Variants in MCF2L observed in about 807,000 individuals in gnomAD.
MCF2L encodes the protein MCF.2 cell line derived transforming sequence like, also known as guanine nucleotide exchange factor DBS.
Under a neutral mutation model 153.4 loss-of-function variants are expected in MCF2L, and 97 were observed. That is an observed-to-expected ratio of 0.63 (90% CI 0.54 to 0.75). The LOEUF (loss-of-function observed/expected upper bound fraction) is 0.75. Ranked by LOEUF, MCF2L falls within the 30% of genes least tolerant of loss-of-function variation. The pLI is 0.00. For missense variants in MCF2L, 1,347 were observed against 1,495.2 expected, an observed-to-expected ratio of 0.90 and a Z score of 1.64; for synonymous variants, 659 against 632.2, an observed-to-expected ratio of 1.04 and a Z score of -0.64.
At chr13:112,979,613 G>A (rs557678175) in intron 1 of MCF2L, 217 of 1,609,022 alleles carry the variant, frequency 1.3e-4, no homozygotes, top group Non-Finnish European at 1.7e-4. Flanking sequence ...TGGTCCCTGC[G>A]TGAAGAACCA....
chr13:112,906,089 T>C (rs2081170078), intron 2 of MCF2L, among the ~76,000 whole-genome samples: 1 of 152,226 alleles, frequency 6.6e-6, no homozygotes, highest in Admixed American at 6.5e-5. Context: ...TAAACATTGA[T>C]GAGCTTATTT....
intron 4 of MCF2L, among the ~76,000 whole-genome samples, chr13:113,057,884 AGTGTTTGGGTGCTGAGTGGGTGCTGT>A (rs1375951219): frequency 3.8e-5 from 4 of 104,718 alleles, no homozygotes; most frequent in Non-Finnish European, 7.4e-5. Flanking sequence ...TTGGATGCTG[AGTGTTTGGGTGCTGAGTGGGTGCTGT>A]GTGTTTGGGT....
chr13:113,079,308 G>A (rs1006820694), intron 15 of MCF2L, among the ~76,000 whole-genome samples: 1 of 152,136 alleles, frequency 6.6e-6, no homozygotes, highest in Non-Finnish European at 1.5e-5. Context: ...GGGAATGCAG[G>A]TCCCCAGAGC....
chr13:112,957,843 A>G (rs982385503), intron 2 of MCF2L: 1 of 144,456 alleles, frequency 6.9e-6, no homozygotes, highest in African/African-American at 2.5e-5. Flanking sequence ...TTCATTTAGA[A>G]TAATGCTTTG....
chr13:113,066,019 G>T, intron 7 of MCF2L, 27 bp from the exon 8 acceptor site: 1 of 1,608,858 alleles, frequency 6.2e-7, no homozygotes, highest in Non-Finnish European at 8.5e-7. Flanking sequence ...GACGGGGCCG[G>T]GACATGAGGC....
intron 5 of MCF2L, chr13:113,063,927 C>G (rs752677880): frequency 6.8e-6 from 3 of 438,640 alleles, no homozygotes; most frequent in South Asian, 5.0e-5. Context: ...GCTGTGGAGC[C>G]GTTGTGCAGG....
chr13:112,933,251 GC>G (rs1465768813), intron 2 of MCF2L, among the ~76,000 whole-genome samples: 1 of 152,204 alleles, frequency 6.6e-6, no homozygotes, highest in African/African-American at 2.4e-5. Context: ...GTCTCCTTGG[GC>G]TCTGTGTGCA....
chr13:112,929,675 A>C (rs1021351332), intron 2 of MCF2L, among the ~76,000 whole-genome samples: 1 of 152,196 alleles, frequency 6.6e-6, no homozygotes, highest in Non-Finnish European at 1.5e-5. Context: ...ACCGCTGGCC[A>C]CAGCATCCTG....
At chr13:113,076,217 C>A in intron 12 of MCF2L, 60 bp downstream of exon 12, 1 of 1,229,634 alleles carries the variant, frequency 8.1e-7, no homozygotes, top group Non-Finnish European at 1.1e-6. Flanking sequence ...AGGCATTCCT[C>A]TGTGGGAAGT....
chr13:113,066,643 G>A (rs181570689), intron 8 of MCF2L, among the ~76,000 whole-genome samples: 10 of 152,224 alleles, frequency 6.6e-5, no homozygotes, highest in South Asian at 2.1e-4. Context: ...TAGGGCACTC[G>A]TGTGGTTGGC....
chr13:112,917,081 C>G (rs1221870333), intron 2 of MCF2L: 1 of 471,172 alleles, frequency 2.1e-6, no homozygotes, highest in African/African-American at 2.0e-5. Flanking sequence ...TTTCTCCTGT[C>G]TAAACCTGCC....
chr13:112,978,731 C>T (rs1034927252), intron 1 of MCF2L, among the ~76,000 whole-genome samples: 1 of 152,252 alleles, frequency 6.6e-6, no homozygotes, highest in African/African-American at 2.4e-5. Flanking sequence ...CAGAAGGGCA[C>T]ATGTGGTGCT....
chr13:113,030,338 GC>G (rs1204643587), intron 3 of MCF2L, among the ~76,000 whole-genome samples: 1,895 of 99,438 alleles, frequency 0.019, 3 homozygotes, highest in East Asian at 0.059. Flanking sequence ...GTCTGCCGAC[GC>G]CCGGTGTGGA....
At chr13:113,052,968 G>T (rs1464628855) in intron 4 of MCF2L, among the ~76,000 whole-genome samples, 1 of 151,668 alleles carries the variant, frequency 6.6e-6, no homozygotes, top group African/African-American at 2.4e-5. Context: ...CATCACACAG[G>T]CACAGAGACA....
rs1160964109 is a variant in MCF2L at position 113,028,802 on chromosome 13, G to C, written c.278+4044G>C. Among the ~76,000 whole-genome samples, 1 of 152,102 alleles carries C rather than the reference G, an allele frequency of 6.6e-6. No homozygotes were observed. Among genetic ancestry groups the C allele is most frequent in the Non-Finnish European group, 1.5e-5 (1 of 67,982 alleles). On this transcript the variant is annotated intron_variant, in intron 3 of 29. Transcript: ENST00000535094. The surrounding 1 kb of genome is among the most constrained non-coding windows in gnomAD (Gnocchi z 5.4). ...GTGTGGGTGTCTGAGTGTGTGGTGTGAGTGTGTGTAATGTGAGCCTGTGGT... is the reference window on the plus strand; with the variant it reads ...GTGTGGGTGTCTGAGTGTGTGGTGTCAGTGTGTGTAATGTGAGCCTGTGGT...
chr13:112,944,060 T>TG (rs1481144409), intron 2 of MCF2L, among the ~76,000 whole-genome samples: 1 of 117,958 alleles, frequency 8.5e-6, no homozygotes, highest in Non-Finnish European at 1.8e-5. Flanking sequence ...TCCCTGGCTG[T>TG]GGGGGGAGCG....
In MCF2L at chr13:113,060,739, G is replaced by C. The variant is rs373280922; in HGVS notation, c.489+27G>C. ...TAAGTGCGCCCCGCCTCCATCCTGC[G>C]GTAGCAGAACGGAACTCATTGCCGT... On this transcript the variant is annotated intron_variant, in intron 5 of 29. Coordinates refer to ENST00000535094, the MANE Select transcript of MCF2L (RefSeq NM_001112732.3). 1.6e-5 allele frequency: 26 copies of C among 1,609,786 alleles called. No individual in the cohort carries two copies. The African/African-American group carries it at 3.1e-4, about 19-fold the overall frequency.
rs765658215 is a variant in MCF2L at position 113,096,778 on chromosome 13, G to A, written c.3297G>A (p.Ser1099=). 1.3e-6 allele frequency: 2 copies of A among 1,568,022 alleles called. No homozygotes were observed. Among genetic ancestry groups the A allele is most frequent in the Admixed American group, 3.5e-5 (2 of 57,316 alleles). Residue 1099 remains serine (S), a synonymous_variant, in exon 30 of 30, where the codon TCG becomes TCA. Transcript: ENST00000535094. The part of the protein sequence containing the change: ...GSAQCLSSSE[S]SPGSAVLSNS... Reference sequence around the variant, plus strand: ...CCCCGCCTGATCTCCCCGCAGAGTCGAGCCCGGGGTCGGCCGTGCTGAGCA... The same window carrying A: ...CCCCGCCTGATCTCCCCGCAGAGTCAAGCCCGGGGTCGGCCGTGCTGAGCA...
intron 1 of MCF2L, among the ~76,000 whole-genome samples, chr13:112,976,885 C>G (rs867779313): frequency 1.3e-5 from 2 of 152,182 alleles, no homozygotes; most frequent in African/African-American, 4.8e-5. Flanking sequence ...GTCGCCCAGT[C>G]GGACAGTGCG....
Sources: gnomAD v4.1 joint callset for allele counts (sites outside exome capture counted in the v4.1 genomes callset) on GRCh38, gnomAD v4.1.1 for gene constraint, Gnocchi (gnomAD v3.1) non-coding constraint, MANE v1.5 for transcripts, NCBI Gene and HGNC (gene_info 2026-07-23, HGNC 2026-07-21) for gene names.